The following RASSF3 variants were observed in gnomAD, a reference collection of about 807,000 sequenced individuals.
RASSF3 encodes Ras association domain family member 3.
In RASSF3, 19 loss-of-function variants were observed where a neutral mutation model predicts 19.9. The observed-to-expected ratio is 0.96, with a 90% CI of 0.67 to 1.40. The LOEUF (loss-of-function observed/expected upper bound fraction) is 1.40, where lower values mean the gene tolerates loss of function less well. Among genes scored for constraint, RASSF3 ranks in the 40% most tolerant of loss-of-function variants. The pLI is 0.00. For synonymous variants in RASSF3, 110 were observed against 104.2 expected (o/e 1.06, Z -0.34); for missense variants, 306 against 289.8 (o/e 1.06, Z -0.41).
chr12:64,526,084 GAT>G (rs1868580255), intron 1 of RASSF3, among the ~76,000 whole-genome samples: 1 of 152,118 alleles, frequency 6.6e-6, no homozygotes. Flanking sequence ...TATCTGGGGT[GAT>G]TATTCATACT....
At chr12:64,606,216 C>A (rs1354736508), upstream of RASSF3, among the ~76,000 whole-genome samples, 1 of 152,174 alleles carries the variant, frequency 6.6e-6, no homozygotes, top group African/African-American at 2.4e-5. Context: ...CTAAAGCAAT[C>A]CCTGGCAAGG....
At chr12:64,679,462 A>G (rs1046047987) in intron 1 of RASSF3, among the ~76,000 whole-genome samples, 1 of 152,242 alleles carries the variant, frequency 6.6e-6, no homozygotes, top group Non-Finnish European at 1.5e-5. Flanking sequence ...ATTAACCAAA[A>G]GAGTATAAAC....
intron 2 of RASSF3, among the ~76,000 whole-genome samples, chr12:64,603,053 C>A (rs1214873532): frequency 6.6e-6 from 1 of 151,878 alleles, no homozygotes; most frequent in African/African-American, 2.4e-5. Flanking sequence ...GGACTGAGAT[C>A]GTACTGCTGC....
intron 1 of RASSF3, among the ~76,000 whole-genome samples, chr12:64,648,084 A>G (rs1445811050): frequency 6.6e-6 from 1 of 152,206 alleles, no homozygotes; most frequent in Admixed American, 6.5e-5. Context: ...GCTGGATCAT[A>G]GACATGTGAA....
intron 1 of RASSF3, among the ~76,000 whole-genome samples, chr12:64,641,419 C>CACACACACACACACACATACACAT (rs769330728): frequency 2.0e-5 from 3 of 150,664 alleles, no homozygotes; most frequent in South Asian, 2.1e-4. Context: ...CACACACGCG[C>CACACACACACACACACATACACAT]GCGCGCGCGT....
intron 1 of RASSF3, among the ~76,000 whole-genome samples, chr12:64,683,078 G>A (rs529708243): frequency 3.0e-4 from 45 of 152,260 alleles, no homozygotes; most frequent in Admixed American, 6.5e-4. Flanking sequence ...TATCTGTAAC[G>A]TAGGGGTGCT....
Position 64,556,907 on chromosome 12 carries a change from G to A in RASSF3, c.294+15202G>A, listed in dbSNP as rs570435476. Among the ~76,000 whole-genome samples the A allele has an allele frequency of 4.9e-5, 7 of 143,646 alleles. No individual in the cohort carries two copies. In the East Asian group the frequency reaches 1.5e-3, roughly 30 times the overall value. 94.2% of individuals were successfully genotyped at this position (143,646 alleles called of 152,430 possible). A position where few individuals can be genotyped will look rare whatever the true frequency, so the allele number is the denominator to read the frequency against. On this transcript the variant is annotated intron_variant, in intron 2 of 5. Coordinates refer to the RASSF3 transcript ENST00000637125. ...GCTGAAGTGCAGTGGTGCCATCTCAGCTCACTGCAACCTCTGCTTCCCGGG... is the reference window on the plus strand; with the variant it reads ...GCTGAAGTGCAGTGGTGCCATCTCAACTCACTGCAACCTCTGCTTCCCGGG...
chr12:64,543,558 G>T (rs1388801886), downstream of RASSF3, among the ~76,000 whole-genome samples: 3 of 86,908 alleles, frequency 3.5e-5, no homozygotes, highest in Non-Finnish European at 8.0e-5. Context: ...GCTCCTGCAC[G>T]GCCCGAGCCT....
chr12:64,582,145 G>A (rs908531210), intron 2 of RASSF3, among the ~76,000 whole-genome samples: 3 of 152,138 alleles, frequency 2.0e-5, no homozygotes, highest in Non-Finnish European at 4.4e-5. Context: ...GATCCACTGT[G>A]CCCAGCTGAC....
intron 1 of RASSF3, among the ~76,000 whole-genome samples, chr12:64,541,236 T>C (rs61933868): frequency 0.33 from 50,409 of 151,690 alleles, 10,331 homozygotes; most frequent in East Asian, 0.67. Flanking sequence ...TCCGCCCGCC[T>C]TGCCCTCCCA....
At chr12:64,541,946 A>G (rs1229381572), downstream of RASSF3, among the ~76,000 whole-genome samples, 1 of 152,202 alleles carries the variant, frequency 6.6e-6, no homozygotes, top group Non-Finnish European at 1.5e-5. Context: ...CAGATTTGTC[A>G]TAAGATATGA....
intron 3 of RASSF3, among the ~76,000 whole-genome samples, chr12:64,689,447 G>A (rs1161348709): frequency 6.6e-6 from 1 of 152,140 alleles, no homozygotes; most frequent in Admixed American, 6.5e-5. Flanking sequence ...GAACAGGCCA[G>A]GGTTCCTACC....
intron 1 of RASSF3, among the ~76,000 whole-genome samples, chr12:64,518,618 C>T (rs1213172286): frequency 6.6e-6 from 1 of 152,224 alleles, no homozygotes; most frequent in Non-Finnish European, 1.5e-5. Context: ...ACATGCAAGC[C>T]ATATTACCAT....
upstream of RASSF3, among the ~76,000 whole-genome samples, chr12:64,610,355 G>C (rs1206021797): frequency 6.7e-6 from 1 of 149,756 alleles, no homozygotes; most frequent in South Asian, 2.1e-4. Flanking sequence ...GGCGGGCGGG[G>C]AGGGTCGCGG....
intron 1 of RASSF3, among the ~76,000 whole-genome samples, chr12:64,650,636 C>T (rs1419792050): frequency 6.6e-6 from 1 of 151,852 alleles, no homozygotes; most frequent in Non-Finnish European, 1.5e-5. Flanking sequence ...AGACTGGTCT[C>T]GAACTCCTGA....
chr12:64,518,603 G>A (rs1430016351), intron 1 of RASSF3, among the ~76,000 whole-genome samples: 1 of 152,326 alleles, frequency 6.6e-6, no homozygotes. Flanking sequence ...ATTTGAAGGG[G>A]ACAAACATGC....
chr12:64,661,329 A>G (rs1408804833), intron 1 of RASSF3, among the ~76,000 whole-genome samples: 2 of 152,156 alleles, frequency 1.3e-5, no homozygotes, highest in Non-Finnish European at 2.9e-5. Flanking sequence ...TCTACAAAAA[A>G]TTAAAAAACT....
At chr12:64,654,657 TGG>T (rs199913401) in intron 1 of RASSF3, 4 of 18,000 alleles carry the variant, frequency 2.2e-4, no homozygotes, top group Admixed American at 1.2e-3. Context: ...GGGGGGGGGG[TGG>T]GGGGAAGCCA....
intron 2 of RASSF3, among the ~76,000 whole-genome samples, chr12:64,588,113 G>A (rs1869846648): frequency 6.6e-6 from 1 of 151,992 alleles, no homozygotes; most frequent in African/African-American, 2.4e-5. Flanking sequence ...CATGGTCTCT[G>A]TCACCCAGGC....
Sources: gnomAD v4.1 joint callset for allele counts (sites outside exome capture counted in the v4.1 genomes callset) on GRCh38, gnomAD v4.1.1 for gene constraint, MANE v1.5 for transcripts, NCBI Gene and HGNC (gene_info 2026-07-23, HGNC 2026-07-21) for gene names.